Variants in ABITRAM observed in about 807,000 individuals in gnomAD.
The protein encoded by ABITRAM is actin binding transcription modulator.
ABITRAM carries 19 observed loss-of-function variants against 22.9 expected under a neutral mutation model. The ratio of observed to expected loss-of-function variants is 0.83; its 90% CI spans 0.58 to 1.22. The LOEUF is 1.22. Ranked by LOEUF, ABITRAM falls within the 50% of genes most tolerant of loss-of-function variation. The probability of loss-of-function intolerance (pLI) is 0.00; values close to 1 mark genes in which losing one functional copy is unlikely to be tolerated. For missense variants in ABITRAM, 215 were observed against 220.2 expected (o/e 0.98, Z 0.15); for synonymous variants, 70 against 73.9 (o/e 0.95, Z 0.27).
chr9:108,947,241 G>C (rs764712407), intron 3 of ABITRAM, among the ~76,000 whole-genome samples: 1 of 151,388 alleles, frequency 6.6e-6, no homozygotes, highest in South Asian at 2.1e-4. Context: ...AGCCTCCCAA[G>C]TAGCTGGGAC....
downstream of ABITRAM, among the ~76,000 whole-genome samples, chr9:108,941,395 G>A (rs559593266): frequency 1.3e-5 from 2 of 152,246 alleles, no homozygotes; most frequent in Admixed American, 1.3e-4. Context: ...AAAGAATTGT[G>A]TATAACATTT....
chr9:108,949,069 TATGA>T (rs1406079346), intron 3 of ABITRAM, among the ~76,000 whole-genome samples: 1 of 152,150 alleles, frequency 6.6e-6, no homozygotes, highest in Admixed American at 6.5e-5. Context: ...TATTAAGAAA[TATGA>T]ATGATTACAT....
intron 3 of ABITRAM, among the ~76,000 whole-genome samples, chr9:108,947,790 C>G (rs946235211): frequency 1.3e-5 from 2 of 152,190 alleles, no homozygotes; most frequent in East Asian, 3.8e-4. Context: ...AACAGATACT[C>G]TCTCATGTGT....
intron 3 of ABITRAM, chr9:108,948,173 A>G (rs773859581): frequency 6.2e-7 from 1 of 1,610,096 alleles, no homozygotes; most frequent in East Asian, 2.2e-5. Flanking sequence ...CATAAAACGG[A>G]AACAAGGCAT....
At chr9:108,941,568 A>C (rs1312944017), downstream of ABITRAM, among the ~76,000 whole-genome samples, 1 of 152,170 alleles carries the variant, frequency 6.6e-6, no homozygotes, top group Non-Finnish European at 1.5e-5. Flanking sequence ...TTTTCTCCCG[A>C]AGGACTACAG....
At chr9:108,935,262 T>C (rs1179748980) in intron 1 of ABITRAM, among the ~76,000 whole-genome samples, 1 of 152,194 alleles carries the variant, frequency 6.6e-6, no homozygotes, top group Non-Finnish European at 1.5e-5. Context: ...TTTCCCAGAA[T>C]GTCGGACTTG....
At chr9:108,941,354 G>A (rs1830252985), downstream of ABITRAM, among the ~76,000 whole-genome samples, 1 of 152,048 alleles carries the variant, frequency 6.6e-6, no homozygotes. Context: ...ACTCTTGAAG[G>A]CGTCATAAAA....
intron 1 of ABITRAM, among the ~76,000 whole-genome samples, chr9:108,935,257 C>T (rs556164401): frequency 3.9e-5 from 6 of 152,246 alleles, no homozygotes; most frequent in Admixed American, 3.9e-4. Flanking sequence ...AGGGGTTTCC[C>T]AGAATGTCGG....
At chr9:108,950,274 C>A (rs954281750) in intron 3 of ABITRAM, among the ~76,000 whole-genome samples, 1 of 152,096 alleles carries the variant, frequency 6.6e-6, no homozygotes, top group Non-Finnish European at 1.5e-5. Flanking sequence ...ATTTTGCATT[C>A]TTTTAGAGGC....
chr9:108,943,759 A>C (rs776483894), downstream of ABITRAM: 2 of 1,613,934 alleles, frequency 1.2e-6, no homozygotes, highest in Admixed American at 3.3e-5. Context: ...AGCTGGTGGC[A>C]TAGAGGAATT....
At chr9:108,945,425 T>A (rs12349137), downstream of ABITRAM, among the ~76,000 whole-genome samples, 11,150 of 151,128 alleles carry the variant, frequency 0.074, 489 homozygotes, top group Admixed American at 0.13. Context: ...ATGTATTTTG[T>A]TTTTTTTTAC....
chr9:108,943,663 AAAGATAGATG>A (rs1830312554), downstream of ABITRAM: 10 of 1,546,472 alleles, frequency 6.5e-6, no homozygotes, highest in East Asian at 2.0e-4. Flanking sequence ...TTAACCAGAT[AAAGATAGATG>A]TGTGAAAGTT....
Position 108,936,319 on chromosome 9 carries a change from T to C in ABITRAM, c.143T>C (p.Ile48Thr), listed in dbSNP as rs148367154. 6.2e-7 allele frequency: 1 copy of C among 1,613,362 alleles called. No individual in the cohort carries two copies. Among genetic ancestry groups the C allele is most frequent in the African/African-American group, 1.3e-5 (1 of 75,020 alleles). Residue 48 changes from isoleucine to threonine, a missense_variant, in exon 3 of 6, where the codon ATC becomes ACC. Physicochemically the swap from Ile to Thr is moderately conservative, Grantham distance 89. Transcript: ENST00000322940. ...ILQHSNRICVITLAESHPVLQ... is the reference protein window; with the variant it reads ...ILQHSNRICVTTLAESHPVLQ... ...TTTTCTCCTTGTAGAATATGTGTCA[T>C]CACATTGGCAGAATCTCATCCAGTT...
chr9:108,941,515 G>A (rs981874133), downstream of ABITRAM, among the ~76,000 whole-genome samples: 2 of 152,092 alleles, frequency 1.3e-5, no homozygotes, highest in Non-Finnish European at 2.9e-5. Flanking sequence ...ACTGTTTAAG[G>A]AAAGATTTTA....
chr9:108,950,705 C>A, exon 4 of ABITRAM: 1 of 1,405,192 alleles, frequency 7.1e-7, no homozygotes, highest in East Asian at 2.5e-5. Flanking sequence ...TTCAGTCTTT[C>A]TGGTGACTTT....
At position 108,934,411 on chromosome 9, in the gene ABITRAM, G is replaced by A. The variant is rs560997074; in HGVS notation, c.-76G>A. 3.0e-6 allele frequency: 4 copies of A among 1,312,604 alleles called. No homozygotes were observed. In the African/African-American group the frequency reaches 6.2e-5, roughly 20 times the overall value. The allele number at this position is 1,312,604 out of a possible 1,614,324, so 81.3% of individuals were successfully genotyped here. ...GCACGACACGCGCTGTGCGCCGGAA[G>A]AGCACGCCCAGTCCGGGCTGCGCGG... On this transcript the variant is annotated 5_prime_UTR_variant, in exon 1 of 6. Transcript: ENST00000322940.
At chr9:108,944,599 AAAG>A (rs1830346357), downstream of ABITRAM, among the ~76,000 whole-genome samples, 2 of 152,224 alleles carry the variant, frequency 1.3e-5, no homozygotes, top group African/African-American at 4.8e-5. Flanking sequence ...GTAGAGTGAA[AAAG>A]AAGGTTGTAC....
downstream of ABITRAM, among the ~76,000 whole-genome samples, chr9:108,945,565 G>A (rs890463776): frequency 4.0e-5 from 6 of 150,330 alleles, no homozygotes; most frequent in Non-Finnish European, 4.4e-5. Context: ...AGGCTCAAGC[G>A]ATCCTCCTGC....
At chr9:108,937,825 C>CAAA (rs11378136) in intron 3 of ABITRAM, among the ~76,000 whole-genome samples, 1 of 147,414 alleles carries the variant, frequency 6.8e-6, no homozygotes, top group African/African-American at 2.5e-5. Flanking sequence ...TCATTTCTAC[C>CAAA]AAAAAAAAAA....
Sources: allele counts gnomAD v4.1 joint callset (sites outside exome capture counted in the v4.1 genomes callset), GRCh38; gene constraint gnomAD v4.1.1; transcripts MANE v1.5; gene names NCBI Gene and HGNC (gene_info 2026-07-23, HGNC 2026-07-21).